The following UNC13C variants were observed in gnomAD, a reference collection of about 807,000 sequenced individuals.
UNC13C encodes protein unc-13 homolog C.
UNC13C carries 174 observed loss-of-function variants against 245.4 expected under a neutral mutation model. That is an observed-to-expected ratio of 0.71 (90% CI 0.63 to 0.80). The LOEUF (loss-of-function observed/expected upper bound fraction) is 0.80, where lower values mean the gene tolerates loss of function less well. Ranked by LOEUF, UNC13C falls within the 30% of genes least tolerant of loss-of-function variation. UNC13C has a pLI of 0.00. For synonymous variants in UNC13C, 992 were observed against 895.1 expected, an observed-to-expected ratio of 1.11 and a Z score of -1.93; for missense variants, 2,829 against 2,602.9, an observed-to-expected ratio of 1.09 and a Z score of -1.89.
chr15:54,525,869 T>C (rs1240955451), intron 25 of UNC13C, among the ~76,000 whole-genome samples: 1 of 152,176 alleles, frequency 6.6e-6, no homozygotes, highest in Non-Finnish European at 1.5e-5. Context: ...CCTATAACAC[T>C]ATCCTCAGAG....
the UNC13C span, among the ~76,000 whole-genome samples, chr15:53,854,122 G>GTTTTTCTGTT: frequency 7.5e-6 from 1 of 133,578 alleles, no homozygotes; most frequent in African/African-American, 2.8e-5. Flanking sequence ...GTTTTTATAG[G>GTTTTTCTGTT]TTTTTTTTTT....
At chr15:54,000,745 T>TA (rs1416209248) in intron 1 of UNC13C, among the ~76,000 whole-genome samples, 1 of 152,154 alleles carries the variant, frequency 6.6e-6, no homozygotes, top group East Asian at 1.9e-4. Context: ...TAATCATATA[T>TA]AAAGAATACT....
the UNC13C span, among the ~76,000 whole-genome samples, chr15:53,971,486 C>A: frequency 2.0e-5 from 3 of 151,738 alleles, no homozygotes; most frequent in African/African-American, 7.3e-5. Context: ...AAGGAAACAG[C>A]AAAATGAATA....
At chr15:54,291,947 G>C (rs919361480) in intron 10 of UNC13C, among the ~76,000 whole-genome samples, 1 of 151,922 alleles carries the variant, frequency 6.6e-6, no homozygotes, top group African/African-American at 2.4e-5. Context: ...AACTACCCTA[G>C]AATACATAGT....
chr15:54,310,823 ACCATTT>A (rs1481770870), intron 13 of UNC13C, among the ~76,000 whole-genome samples: 1 of 151,604 alleles, frequency 6.6e-6, no homozygotes, highest in Non-Finnish European at 1.5e-5. Context: ...CACTTTGCTG[ACCATTT>A]CTTCAAGGTT....
At chr15:54,417,013 C>T (rs145100334) in intron 19 of UNC13C, 37 of 456,332 alleles carry the variant, frequency 8.1e-5, no homozygotes, top group African/African-American at 6.6e-4. Context: ...GAAGATTTCC[C>T]TCACCGCATT....
the UNC13C span, among the ~76,000 whole-genome samples, chr15:53,886,679 G>T: frequency 5.3e-5 from 8 of 152,124 alleles, no homozygotes; most frequent in Admixed American, 4.6e-4. Context: ...GCATTAAAAA[G>T]GGAGGTAGGG....
rs1467220156 is a variant in UNC13C, at chr15:54,323,574, A to C, written c.4425+1479A>C. On this transcript the variant is annotated intron_variant, in intron 14 of 32. Transcript: ENST00000260323. Reference sequence around the variant, plus strand: ...TAAAAGTGTCAGTGTATAAAATATGAGAATTTTGTCTCTCCTGCCTTACCT... The same window carrying C: ...TAAAAGTGTCAGTGTATAAAATATGCGAATTTTGTCTCTCCTGCCTTACCT... Among the ~76,000 whole-genome samples, 4 of 152,006 alleles carry C rather than the reference A, an allele frequency of 2.6e-5. No individual in the cohort carries two copies. The East Asian group carries it at 7.8e-4, about 30-fold the overall frequency.
At chr15:54,491,929 T>G (rs531748264) in intron 19 of UNC13C, among the ~76,000 whole-genome samples, 58 of 150,932 alleles carry the variant, frequency 3.8e-4, no homozygotes, top group Non-Finnish European at 6.9e-4. Context: ...GAGGCGGAGC[T>G]TGTAGTAAGC....
At chr15:54,382,816 A>C (rs569024) in intron 17 of UNC13C, among the ~76,000 whole-genome samples, 31,742 of 152,036 alleles carry the variant, frequency 0.21, 3,433 homozygotes, top group Middle Eastern at 0.27. Context: ...TACCCAAGAA[A>C]AAAAGCAAGA....
At chr15:54,328,490 C>T (rs899731182) in intron 14 of UNC13C, among the ~76,000 whole-genome samples, 2 of 152,026 alleles carry the variant, frequency 1.3e-5, no homozygotes, top group Admixed American at 6.6e-5. Flanking sequence ...GCTAGCACCT[C>T]CCAGGGGTGC....
chr15:54,231,411 C>T (rs1168967749), intron 4 of UNC13C, among the ~76,000 whole-genome samples: 1 of 151,934 alleles, frequency 6.6e-6, no homozygotes, highest in Non-Finnish European at 1.5e-5. Flanking sequence ...AGCAGTGGAG[C>T]ACGGTAAGTC....
the UNC13C span, chr15:53,947,884 A>C: frequency 6.6e-6 from 1 of 152,232 alleles, no homozygotes; most frequent in Non-Finnish European, 1.5e-5. Flanking sequence ...CAAAACTTAT[A>C]TGTGGTATCA....
At chr15:54,100,085 A>C (rs1900083815) in intron 2 of UNC13C, among the ~76,000 whole-genome samples, 1 of 137,820 alleles carries the variant, frequency 7.3e-6, no homozygotes, top group Non-Finnish European at 1.5e-5. Context: ...CAGCATGGGC[A>C]AAAGAGTGAT....
At chr15:54,048,453 T>A (rs1018764339) in intron 2 of UNC13C, 9 of 605,858 alleles carry the variant, frequency 1.5e-5, no homozygotes, top group Non-Finnish European at 2.9e-5. Flanking sequence ...CTGGATTGCT[T>A]GATAATGAGG....
At chr15:54,144,126 C>T (rs1374002213) in intron 4 of UNC13C, among the ~76,000 whole-genome samples, 1 of 152,020 alleles carries the variant, frequency 6.6e-6, no homozygotes, top group Non-Finnish European at 1.5e-5. Flanking sequence ...TAGTATTACA[C>T]TTAACATAAG....
intron 4 of UNC13C, among the ~76,000 whole-genome samples, chr15:54,203,736 A>G (rs2034604884): frequency 9.9e-6 from 1 of 101,264 alleles, no homozygotes; most frequent in Non-Finnish European, 2.5e-5. Flanking sequence ...ATACACATAT[A>G]CATATATATG....
At chr15:54,037,572 A>T (rs72739066) in intron 2 of UNC13C, among the ~76,000 whole-genome samples, 8,448 of 139,904 alleles carry the variant, frequency 0.06, 285 homozygotes, top group Non-Finnish European at 0.07. Flanking sequence ...ATTTATATAT[A>T]TTTTTTTAAA....
At chr15:54,228,560 G>A (rs2035460485) in intron 4 of UNC13C, among the ~76,000 whole-genome samples, 1 of 152,166 alleles carries the variant, frequency 6.6e-6, no homozygotes, top group Non-Finnish European at 1.5e-5. Flanking sequence ...GGGTATTTTA[G>A]TCAGCAGGTA....
Sources: gnomAD v4.1 joint callset for allele counts (sites outside exome capture counted in the v4.1 genomes callset) on GRCh38, gnomAD v4.1.1 for gene constraint, MANE v1.5 for transcripts, NCBI Gene and HGNC (gene_info 2026-07-23, HGNC 2026-07-21) for gene names.